Variants in ALK observed in about 807,000 individuals in gnomAD.
The protein encoded by ALK is ALK tyrosine kinase receptor.
Under a neutral mutation model 163.1 loss-of-function variants are expected in ALK, and 74 were observed. The observed-to-expected ratio is 0.45, with a 90% CI of 0.38 to 0.55. The LOEUF (loss-of-function observed/expected upper bound fraction) is 0.55. Among genes scored for constraint, ALK ranks in the 20% least tolerant of loss-of-function variants. The pLI is 0.00. For missense variants in ALK, 2,063 were observed against 2,105.3 expected (o/e 0.98, Z 0.39); for synonymous variants, 960 against 843.2 (o/e 1.14, Z -2.40).
chr2:29,214,932 G>A (rs994874375), intron 23 of ALK, among the ~76,000 whole-genome samples: 10 of 152,210 alleles, frequency 6.6e-5, no homozygotes, highest in African/African-American at 2.4e-4. Flanking sequence ...CCAGCACAAT[G>A]CTGGACACAC....
chr2:29,394,097 T>C (rs1003668438), intron 4 of ALK, among the ~76,000 whole-genome samples: 2 of 152,142 alleles, frequency 1.3e-5, no homozygotes, highest in African/African-American at 4.8e-5. Context: ...CCACACTAAT[T>C]TGGCCCTACA....
chr2:29,657,306 C>T (rs1183075673), intron 3 of ALK, among the ~76,000 whole-genome samples: 2 of 152,124 alleles, frequency 1.3e-5, no homozygotes, highest in African/African-American at 2.4e-5. Flanking sequence ...AAGTCCTGAT[C>T]TTAATACCAT....
At chr2:29,406,222 G>A (rs984987369) in intron 4 of ALK, among the ~76,000 whole-genome samples, 4 of 152,202 alleles carry the variant, frequency 2.6e-5, no homozygotes, top group African/African-American at 7.2e-5. Flanking sequence ...GAAGTCTGGG[G>A]CGGCCTCTAT....
chr2:29,232,862 A>G (rs1203247006), intron 14 of ALK, among the ~76,000 whole-genome samples: 2 of 152,062 alleles, frequency 1.3e-5, no homozygotes, highest in Non-Finnish European at 2.9e-5. Context: ...CTGACCCCCA[A>G]AGATTCAAGG....
intron 3 of ALK, among the ~76,000 whole-genome samples, chr2:29,546,684 G>A (rs1471250286): frequency 6.6e-6 from 1 of 152,218 alleles, no homozygotes; most frequent in African/African-American, 2.4e-5. Context: ...TTAAGTCCCA[G>A]ATGTCAAGGG....
intron 1 of ALK, among the ~76,000 whole-genome samples, chr2:29,752,592 C>T (rs558530093): frequency 2.3e-4 from 35 of 152,104 alleles, no homozygotes; most frequent in African/African-American, 8.2e-4. Flanking sequence ...TCGTGATCCG[C>T]CCGTCTCGGC....
At chr2:29,473,934 T>C (rs1271047759) in intron 4 of ALK, among the ~76,000 whole-genome samples, 1 of 152,168 alleles carries the variant, frequency 6.6e-6, no homozygotes, top group African/African-American at 2.4e-5. Flanking sequence ...AAATGGACCC[T>C]ACCAAGTTGT....
At chr2:29,483,490 G>A (rs1671713397) in intron 4 of ALK, among the ~76,000 whole-genome samples, 1 of 152,204 alleles carries the variant, frequency 6.6e-6, no homozygotes, top group Non-Finnish European at 1.5e-5. Flanking sequence ...CTTCAGCTTA[G>A]AGAATCCACA....
At chr2:29,212,498 T>C (rs985180483) in intron 24 of ALK, among the ~76,000 whole-genome samples, 1 of 152,104 alleles carries the variant, frequency 6.6e-6, no homozygotes, top group Non-Finnish European at 1.5e-5. Context: ...ACCTGCAAGT[T>C]GGAAAGGGTT....
At chr2:29,325,156 A>C (rs906926025) in intron 6 of ALK, among the ~76,000 whole-genome samples, 1 of 152,096 alleles carries the variant, frequency 6.6e-6, no homozygotes, top group Non-Finnish European at 1.5e-5. Context: ...GGGTTTGGTC[A>C]ACTACCCTGG....
At chr2:29,600,079 C>T (rs1433037476) in intron 3 of ALK, among the ~76,000 whole-genome samples, 1 of 152,182 alleles carries the variant, frequency 6.6e-6, no homozygotes, top group African/African-American at 2.4e-5. Context: ...CCCATCCACA[C>T]GTGGGGCAGA....
intron 4 of ALK, among the ~76,000 whole-genome samples, chr2:29,397,911 C>T (rs1669348775): frequency 6.6e-6 from 1 of 152,214 alleles, no homozygotes; most frequent in African/African-American, 2.4e-5. Flanking sequence ...AGAATTCAGG[C>T]CTCTGCTGTA....
intron 4 of ALK, among the ~76,000 whole-genome samples, chr2:29,394,998 T>C (rs1027020680): frequency 5.3e-5 from 8 of 152,164 alleles, no homozygotes; most frequent in Non-Finnish European, 1.2e-4. Context: ...GCCTGAGTCT[T>C]GAGCAGGGCT....
At chr2:29,753,009 C>G (rs1027559961) in intron 1 of ALK, among the ~76,000 whole-genome samples, 1 of 152,198 alleles carries the variant, frequency 6.6e-6, no homozygotes, top group African/African-American at 2.4e-5. Context: ...TAGGACCATT[C>G]AGGCTCATGT....
chr2:29,292,985 G>C (rs1212097471), intron 9 of ALK, among the ~76,000 whole-genome samples: 1 of 152,098 alleles, frequency 6.6e-6, no homozygotes, highest in African/African-American at 2.4e-5. Context: ...CAAGGACCAG[G>C]GCACCCAATT....
intron 4 of ALK, among the ~76,000 whole-genome samples, chr2:29,530,954 T>C (rs926584183): frequency 6.6e-6 from 1 of 152,204 alleles, no homozygotes; most frequent in South Asian, 2.1e-4. Context: ...GATGGGTTAA[T>C]GGCTGGGAGT....
At chr2:29,569,485 T>C (rs1674292209) in intron 3 of ALK, among the ~76,000 whole-genome samples, 1 of 152,132 alleles carries the variant, frequency 6.6e-6, no homozygotes, top group Admixed American at 6.5e-5. Flanking sequence ...AGGTGGGTAA[T>C]AATGAATGGG....
At chr2:29,667,741 T>C (rs1038333610) in intron 3 of ALK, among the ~76,000 whole-genome samples, 1 of 152,148 alleles carries the variant, frequency 6.6e-6, no homozygotes, top group Non-Finnish European at 1.5e-5. Flanking sequence ...GATATTTGCC[T>C]GTAGTTCTCT....
At chr2:29,294,287 C>T (rs1040703934) in intron 9 of ALK, among the ~76,000 whole-genome samples, 4 of 152,194 alleles carry the variant, frequency 2.6e-5, no homozygotes, top group Non-Finnish European at 5.9e-5. Flanking sequence ...ATGCTTTTTG[C>T]TCCTCCATCA....
Sources: allele counts gnomAD v4.1 joint callset (sites outside exome capture counted in the v4.1 genomes callset), GRCh38; gene constraint gnomAD v4.1.1; transcripts MANE v1.5; gene names NCBI Gene and HGNC (gene_info 2026-07-23, HGNC 2026-07-21).